The following AGTPBP1 variants were observed in gnomAD, a reference collection of about 807,000 sequenced individuals.
The protein encoded by AGTPBP1 is ATP/GTP binding carboxypeptidase 1.
AGTPBP1 carries 70 observed loss-of-function variants against 143.9 expected under a neutral mutation model. The observed-to-expected ratio is 0.49, with a 90% CI of 0.40 to 0.59. The LOEUF is 0.59. Ranked by LOEUF, AGTPBP1 falls within the 20% of genes least tolerant of loss-of-function variation. The pLI, the probability that AGTPBP1 is intolerant of heterozygous loss-of-function variation, is 0.00. For synonymous variants in AGTPBP1, 463 were observed against 500.2 expected (o/e 0.93, Z 0.99); for missense variants, 1,229 against 1,464.5 (o/e 0.84, Z 2.62).
intron 25 of AGTPBP1, among the ~76,000 whole-genome samples, chr9:85,564,208 A>G (rs1420822294): frequency 6.6e-6 from 1 of 152,246 alleles, no homozygotes; most frequent in East Asian, 1.9e-4. Flanking sequence ...GTGTGTCCAG[A>G]AGGTGGAACG....
chr9:85,625,448 T>A lies in AGTPBP1; in HGVS notation c.2016-4163A>T, dbSNP rs374563804. 3.9e-5 allele frequency among the ~76,000 whole-genome samples: 6 copies of A among 152,254 alleles called. No individual in the cohort carries two copies. In the East Asian group the frequency reaches 1.2e-3, roughly 29 times the overall value. ...TCATTTGGAGTTAAGTTAACCATGC[T>A]TTTGTGGTTGTCACCGTTTCCTTTC... On this transcript the variant is annotated intron_variant, in intron 14 of 25. Transcript: ENST00000357081.
rs55882437 is a variant in AGTPBP1, at chr9:85,572,004, G to GTTTTTTTTTTTTTTTTTTTTTTTTT, written c.3503+3286_3503+3310dup. ...TGGCCATTATTAGTTGTTTGTGTGT[G>GTTTTTTTTTTTTTTTTTTTTTTTTT]TTTTTTTTTTTTTTTTTTTTTTTTT... On this transcript the variant is annotated intron_variant, in intron 25 of 25. Transcript: ENST00000357081. Among the ~76,000 whole-genome samples, 11 of 43,496 alleles carry GTTTTTTTTTTTTTTTTTTTTTTTTT rather than the reference G, an allele frequency of 2.5e-4. 4 individuals are homozygous for GTTTTTTTTTTTTTTTTTTTTTTTTT. Among genetic ancestry groups the GTTTTTTTTTTTTTTTTTTTTTTTTT allele is most frequent in the East Asian group, 1.1e-3 (1 of 894 alleles). The allele number at this position is 43,496 out of a possible 152,430, so 28.5% of individuals were successfully genotyped here. A position where few individuals can be genotyped will look rare whatever the true frequency, so the allele number is the denominator to read the frequency against.
chr9:85,711,761 C>T (rs930884285), intron 2 of AGTPBP1, among the ~76,000 whole-genome samples: 3 of 151,960 alleles, frequency 2.0e-5, no homozygotes, highest in African/African-American at 7.3e-5. Context: ...TGTAAAGGGC[C>T]AAATAGTATA....
chr9:85,617,424 A>C (rs1291367337), intron 17 of AGTPBP1, among the ~76,000 whole-genome samples: 1 of 152,178 alleles, frequency 6.6e-6, no homozygotes, highest in Non-Finnish European at 1.5e-5. Flanking sequence ...TTATAACATT[A>C]ATACTTGAAA....
chr9:85,697,253 T>C (rs1335496479), intron 2 of AGTPBP1, among the ~76,000 whole-genome samples: 1 of 152,150 alleles, frequency 6.6e-6, no homozygotes, highest in East Asian at 1.9e-4. Context: ...ATCTGTTTTC[T>C]ATTAAGCCAG....
chr9:85,623,069 C>T (rs1456735038), intron 14 of AGTPBP1, among the ~76,000 whole-genome samples: 1 of 152,072 alleles, frequency 6.6e-6, no homozygotes, highest in East Asian at 1.9e-4. Context: ...TCAAAGAGCT[C>T]GGGCCCGACA....
chr9:85,677,223 A>T (rs1263943791), intron 6 of AGTPBP1, among the ~76,000 whole-genome samples: 2 of 152,202 alleles, frequency 1.3e-5, no homozygotes, highest in African/African-American at 4.8e-5. Context: ...TGAATGTTTG[A>T]GGTGATGGAT....
chr9:85,547,342 A>C, intron 25 of AGTPBP1, 56 bp from the exon 26 acceptor site: 1 of 1,410,036 alleles, frequency 7.1e-7, no homozygotes, highest in African/African-American at 1.5e-5. Context: ...AGGTCCTAAT[A>C]TAAGATTATT....
chr9:85,703,577 C>G (rs1836805376), intron 2 of AGTPBP1, among the ~76,000 whole-genome samples: 1 of 152,214 alleles, frequency 6.6e-6, no homozygotes, highest in South Asian at 2.1e-4. Context: ...GCTTGCACTT[C>G]TGCGTGGTTA....
the AGTPBP1 span, among the ~76,000 whole-genome samples, chr9:85,750,057 T>C: frequency 4.6e-5 from 7 of 152,070 alleles, no homozygotes; most frequent in Non-Finnish European, 1.5e-5. Context: ...AATTTTTTTG[T>C]CTTTTTAATA....
chr9:85,781,093 C>T, the AGTPBP1 span: 1 of 1,368,530 alleles, frequency 7.3e-7, no homozygotes. Context: ...GCACTCTAGC[C>T]TGGGCGACAG....
At chr9:85,648,981 C>T (rs184162415) in intron 11 of AGTPBP1, among the ~76,000 whole-genome samples, 2 of 152,276 alleles carry the variant, frequency 1.3e-5, no homozygotes, top group East Asian at 1.9e-4. Flanking sequence ...AGGGTTTATA[C>T]TCCAGATGTG....
chr9:85,625,911 T>TTG (rs890670303), intron 14 of AGTPBP1, among the ~76,000 whole-genome samples: 4 of 116,146 alleles, frequency 3.4e-5, no homozygotes, highest in Non-Finnish European at 3.4e-5. Flanking sequence ...TTTGTTTTTT[T>TTG]TTTTTTTTTT....
intron 1 of AGTPBP1, among the ~76,000 whole-genome samples, chr9:85,727,143 ATGGT>A (rs1427125453): frequency 2.0e-5 from 3 of 152,116 alleles, no homozygotes; most frequent in African/African-American, 4.8e-5. Context: ...CCTGGCCAAT[ATGGT>A]GAAACCCCGT....
At chr9:85,560,815 A>T (rs1032149628) in intron 25 of AGTPBP1, among the ~76,000 whole-genome samples, 1 of 152,216 alleles carries the variant, frequency 6.6e-6, no homozygotes, top group Non-Finnish European at 1.5e-5. Context: ...AAATTTATTC[A>T]TAAGAGAATA....
chr9:85,636,099 T>C (rs767976447), intron 13 of AGTPBP1, among the ~76,000 whole-genome samples: 1 of 151,660 alleles, frequency 6.6e-6, no homozygotes, highest in Non-Finnish European at 1.5e-5. Flanking sequence ...AACCTAAACA[T>C]ACAATTCAAC....
rs143093843 is a variant in AGTPBP1, at chr9:85,591,461, C to T, written c.2568+1099G>A. On this transcript the variant is annotated intron_variant, in intron 19 of 25. Coordinates refer to ENST00000357081, the MANE Select transcript of AGTPBP1 (RefSeq NM_001330701.2). ...AGAAACGATGGTCATGCCTGGAAAA[C>T]ATCATGGTAGGGGGATTGAAAGAAA... Among the ~76,000 whole-genome samples the T allele has an allele frequency of 3.7e-3, 570 of 152,142 alleles. 3 individuals carry two copies. Among genetic ancestry groups the T allele is most frequent in the Admixed American group, 7.1e-3 (109 of 15,262 alleles).
At chr9:85,626,042 C>CA (rs1554708868) in intron 14 of AGTPBP1, among the ~76,000 whole-genome samples, 10 of 148,274 alleles carry the variant, frequency 6.7e-5, no homozygotes, top group East Asian at 2.0e-4. Flanking sequence ...ACTATAAAAA[C>CA]AAAAAAATGC....
intron 3 of AGTPBP1, among the ~76,000 whole-genome samples, chr9:85,683,368 G>T (rs1156392797): frequency 6.6e-6 from 1 of 151,984 alleles, no homozygotes; most frequent in African/African-American, 2.4e-5. Flanking sequence ...ATATTTTAAA[G>T]GCCCCTGATT....
Sources: allele counts gnomAD v4.1 joint callset (sites outside exome capture counted in the v4.1 genomes callset), GRCh38; gene constraint gnomAD v4.1.1; transcripts MANE v1.5; gene names NCBI Gene and HGNC (gene_info 2026-07-23, HGNC 2026-07-21).